The following DTD1 variants were observed in gnomAD, a reference collection of about 807,000 sequenced individuals.
The protein encoded by DTD1 is D-aminoacyl-tRNA deacylase 1, also known as D-tyrosyl-tRNA deacylase 1 homolog.
DTD1 carries 13 observed loss-of-function variants against 25.6 expected under a neutral mutation model. The observed-to-expected ratio is 0.51, with a 90% CI of 0.33 to 0.81. DTD1 has a LOEUF of 0.81. Among genes scored for constraint, DTD1 ranks in the 30% least tolerant of loss-of-function variants. The pLI is 0.02. For synonymous variants in DTD1, 110 were observed against 103.6 expected (o/e 1.06, Z -0.37); for missense variants, 193 against 266.4 (o/e 0.72, Z 1.92).
At chr20:18,588,218 C>A in intron 1 of DTD1, 103 bp downstream of exon 1, 1 of 1,088,958 alleles carries the variant, frequency 9.2e-7, no homozygotes, top group Non-Finnish European at 1.2e-6. Flanking sequence ...GCCGCTGCGG[C>A]CCCTCCGCGA....
intron 3 of DTD1, among the ~76,000 whole-genome samples, chr20:18,597,981 C>T (rs559966474): frequency 2.5e-4 from 29 of 116,684 alleles, no homozygotes; most frequent in Middle Eastern, 9.7e-3. Context: ...TTTCTCCCAA[C>T]ATTTTGTCTT....
intron 5 of DTD1, among the ~76,000 whole-genome samples, chr20:18,751,153 A>C (rs1421899379): frequency 1.3e-5 from 2 of 151,340 alleles, no homozygotes; most frequent in Admixed American, 1.3e-4. Context: ...ACAAGGTAGG[A>C]CTCCTTTCAT....
chr20:18,639,536 A>G (rs2122333295), intron 4 of DTD1, among the ~76,000 whole-genome samples: 1 of 152,260 alleles, frequency 6.6e-6, no homozygotes, highest in East Asian at 1.9e-4. Flanking sequence ...TCAGGACTGG[A>G]GAAGGTTGTC....
chr20:18,653,830 TA>T (rs1330317730), intron 4 of DTD1, among the ~76,000 whole-genome samples: 2 of 152,216 alleles, frequency 1.3e-5, no homozygotes, highest in Non-Finnish European at 2.9e-5. Flanking sequence ...TCATTGTTAA[TA>T]AAAACACATT....
chr20:18,749,804 T>C lies in DTD1; in HGVS notation c.*19+5533T>C, dbSNP rs1316805953. ...GAGTACTGTTGACATTAAGGTGAAATGGAGCCTCTGTCTGGTCAGGAACGC... is the reference window on the plus strand; with the variant it reads ...GAGTACTGTTGACATTAAGGTGAAACGGAGCCTCTGTCTGGTCAGGAACGC... On this transcript the variant is annotated intron_variant, in intron 5 of 5. Transcript: ENST00000377452. The surrounding 1 kb of genome is among the most constrained non-coding windows in gnomAD (Gnocchi z 4.2). Among the ~76,000 whole-genome samples the C allele has an allele frequency of 6.6e-6, 1 of 152,124 alleles. No individual in the cohort carries two copies. The highest frequency in any genetic ancestry group is 1.9e-4 in the East Asian group (1 of 5,184).
At chr20:18,730,637 C>A (rs1218190355) in intron 4 of DTD1, among the ~76,000 whole-genome samples, 2 of 152,190 alleles carry the variant, frequency 1.3e-5, no homozygotes, top group African/African-American at 4.8e-5. Flanking sequence ...GATTTTGGAT[C>A]CAGATAAGCT....
chr20:18,722,952 A>C (rs1209848038), intron 4 of DTD1, among the ~76,000 whole-genome samples: 1 of 152,192 alleles, frequency 6.6e-6, no homozygotes, highest in African/African-American at 2.4e-5. Flanking sequence ...GAAAAAAGAC[A>C]AAAAAAGTCA....
At chr20:18,613,331 T>C (rs1170167800) in intron 3 of DTD1, among the ~76,000 whole-genome samples, 4 of 152,220 alleles carry the variant, frequency 2.6e-5, no homozygotes, top group African/African-American at 9.6e-5. Flanking sequence ...TGTGGCTGTT[T>C]CTGCCACAGC....
intron 4 of DTD1, among the ~76,000 whole-genome samples, chr20:18,692,879 A>C (rs1484889568): frequency 2.0e-5 from 3 of 149,398 alleles, no homozygotes; most frequent in African/African-American, 7.3e-5. Flanking sequence ...TTTTCTAGAA[A>C]CAGGACATGG....
chr20:18,684,199 C>G (rs1679164436), intron 4 of DTD1, among the ~76,000 whole-genome samples: 1 of 152,106 alleles, frequency 6.6e-6, no homozygotes, highest in South Asian at 2.1e-4. Context: ...CTCCCCACTC[C>G]TGCCTCCCCA....
At chr20:18,609,320 AT>A (rs921409909) in intron 3 of DTD1, among the ~76,000 whole-genome samples, 78 of 142,894 alleles carry the variant, frequency 5.5e-4, no homozygotes, top group Admixed American at 7.0e-4. Context: ...TTTTTTTTGT[AT>A]TTTTTTTTTT....
At chr20:18,623,874 CTGTGTG>C (rs55984974) in intron 3 of DTD1, among the ~76,000 whole-genome samples, 165 of 143,514 alleles carry the variant, frequency 1.1e-3, no homozygotes, top group Admixed American at 1.9e-3. Context: ...ACAAGAAGAA[CTGTGTG>C]TGTGTGTGTG....
In DTD1 at chr20:18,654,944, G is replaced by A. The variant is rs148338977; in HGVS notation, c.477+26711G>A. Among the ~76,000 whole-genome samples, 292 of 152,292 alleles carry A rather than the reference G, an allele frequency of 1.9e-3. 2 individuals carry two copies. Among genetic ancestry groups the A allele is most frequent in the Non-Finnish European group, 3.3e-3 (225 of 68,038 alleles). ...AATATTAACAGTGCTTTTAAAGTGA[G>A]ATTACATTATTTTAGAAAGTAATCA... On this transcript the variant is annotated intron_variant, in intron 4 of 5. Transcript: ENST00000377452.
chr20:18,616,255 A>C (rs1000483549), intron 3 of DTD1, among the ~76,000 whole-genome samples: 11 of 151,974 alleles, frequency 7.2e-5, no homozygotes, highest in Non-Finnish European at 1.3e-4. Flanking sequence ...TCTCTTCATT[A>C]ATTTGCTTAC....
intron 4 of DTD1, among the ~76,000 whole-genome samples, chr20:18,718,394 T>C (rs764365396): frequency 4.6e-5 from 7 of 152,274 alleles, no homozygotes; most frequent in Non-Finnish European, 8.8e-5. Flanking sequence ...GTCGTGGCAC[T>C]TGGTGGGGCC....
chr20:18,737,152 C>T (rs2061258893), intron 4 of DTD1, among the ~76,000 whole-genome samples: 1 of 152,210 alleles, frequency 6.6e-6, no homozygotes, highest in African/African-American at 2.4e-5. Flanking sequence ...TCATCTGGGC[C>T]TCTGTTCTTC....
intron 4 of DTD1, among the ~76,000 whole-genome samples, chr20:18,687,426 G>A (rs549649868): frequency 2.3e-4 from 35 of 152,346 alleles, no homozygotes; most frequent in Admixed American, 5.9e-4. Flanking sequence ...TTGCTGAAGT[G>A]CCTTCTGATA....
chr20:18,681,060 T>C (rs6136469), intron 4 of DTD1, among the ~76,000 whole-genome samples: 52,474 of 152,116 alleles, frequency 0.34, 9,513 homozygotes, highest in Non-Finnish European at 0.41. Flanking sequence ...GAAATAAGTG[T>C]TCTCTGCTCT....
chr20:18,650,016 T>G (rs1050119421), intron 4 of DTD1, among the ~76,000 whole-genome samples: 2 of 152,152 alleles, frequency 1.3e-5, no homozygotes, highest in Admixed American at 1.3e-4. Flanking sequence ...AGTTTGAGAC[T>G]AGGCTGGGCA....
Sources: gnomAD v4.1 joint callset for allele counts (sites outside exome capture counted in the v4.1 genomes callset) on GRCh38, gnomAD v4.1.1 for gene constraint, Gnocchi (gnomAD v3.1) non-coding constraint, MANE v1.5 for transcripts, NCBI Gene and HGNC (gene_info 2026-07-23, HGNC 2026-07-21) for gene names.